MSRB3: variants seen among roughly 807,000 people sequenced by gnomAD.
MSRB3 encodes methionine-R-sulfoxide reductase B3.
MSRB3 carries 13 observed loss-of-function variants against 21.0 expected under a neutral mutation model. The ratio of observed to expected loss-of-function variants is 0.62; its 90% CI spans 0.40 to 0.98. The LOEUF (loss-of-function observed/expected upper bound fraction) is 0.98. Ranked by LOEUF, MSRB3 falls within the 50% of genes least tolerant of loss-of-function variation. MSRB3 has a pLI of 0.00. For synonymous variants in MSRB3, 87 were observed against 88.6 expected (o/e 0.98, Z 0.10); for missense variants, 199 against 230.3 (o/e 0.86, Z 0.88).
intron 5 of MSRB3, among the ~76,000 whole-genome samples, chr12:65,389,874 T>G (rs1879385727): frequency 1.3e-5 from 2 of 152,362 alleles, no homozygotes; most frequent in South Asian, 4.1e-4. Context: ...TAAAGATTTA[T>G]GGTCTTCAAT....
intron 5 of MSRB3, among the ~76,000 whole-genome samples, chr12:65,426,137 C>T (rs1277286884): frequency 6.6e-6 from 1 of 152,162 alleles, no homozygotes; most frequent in African/African-American, 2.4e-5. Flanking sequence ...GTTGGGATTA[C>T]AGGTGTGAGC....
intron 4 of MSRB3, among the ~76,000 whole-genome samples, chr12:65,362,241 A>G (rs1877751800): frequency 6.6e-6 from 1 of 152,182 alleles, no homozygotes; most frequent in African/African-American, 2.4e-5. Flanking sequence ...TAAGTGGCAT[A>G]TCCTTATGTG....
At chr12:65,361,775 G>GT (rs1877721744) in intron 4 of MSRB3, among the ~76,000 whole-genome samples, 1 of 152,046 alleles carries the variant, frequency 6.6e-6, no homozygotes, top group Non-Finnish European at 1.5e-5. Flanking sequence ...ACTATATTTT[G>GT]TTAAACCACA....
At chr12:65,368,510 G>A (rs1878138883) in intron 4 of MSRB3, among the ~76,000 whole-genome samples, 1 of 152,138 alleles carries the variant, frequency 6.6e-6, no homozygotes, top group Admixed American at 6.6e-5. Flanking sequence ...GAAACATAAT[G>A]TTCCCACAAG....
chr12:65,402,225 C>T (rs1880168101), intron 5 of MSRB3, among the ~76,000 whole-genome samples: 1 of 152,186 alleles, frequency 6.6e-6, no homozygotes, highest in African/African-American at 2.4e-5. Context: ...TAGTTCCATT[C>T]TCCCCATCAC....
At chr12:65,318,949 G>A (rs1403931634) in intron 2 of MSRB3, among the ~76,000 whole-genome samples, 2 of 151,998 alleles carry the variant, frequency 1.3e-5, no homozygotes, top group African/African-American at 2.4e-5. Context: ...GGCTTCTATC[G>A]TACAGTCATT....
chr12:65,434,137 C>G (rs1256684694), intron 5 of MSRB3, among the ~76,000 whole-genome samples: 1 of 151,798 alleles, frequency 6.6e-6, no homozygotes, highest in Non-Finnish European at 1.5e-5. Context: ...GAAAATTAGA[C>G]AAGTAGAATC....
chr12:65,360,041 G>T (rs1877610768), intron 4 of MSRB3, among the ~76,000 whole-genome samples: 1 of 151,966 alleles, frequency 6.6e-6, no homozygotes, highest in African/African-American at 2.4e-5. Flanking sequence ...CTTGTAGATG[G>T]TTATCTTCTC....
At chr12:65,316,856 A>G (rs1219839982) in intron 2 of MSRB3, among the ~76,000 whole-genome samples, 3 of 152,176 alleles carry the variant, frequency 2.0e-5, no homozygotes, top group Non-Finnish European at 1.5e-5. Flanking sequence ...GATTCTCGGA[A>G]TAGGATTTCA....
At chr12:65,421,568 G>A (rs886509417) in intron 5 of MSRB3, among the ~76,000 whole-genome samples, 5 of 152,158 alleles carry the variant, frequency 3.3e-5, no homozygotes, top group African/African-American at 7.2e-5. Context: ...TATTGCCTAC[G>A]TTGTCTTGCA....
At chr12:65,373,958 A>G (rs1878460629) in intron 5 of MSRB3, among the ~76,000 whole-genome samples, 1 of 152,210 alleles carries the variant, frequency 6.6e-6, no homozygotes, top group Non-Finnish European at 1.5e-5. Flanking sequence ...GCAGGGAAAA[A>G]TAGAGTGGGG....
intron 5 of MSRB3, among the ~76,000 whole-genome samples, chr12:65,382,888 A>ATATGGAT (rs776088263): frequency 8.1e-4 from 124 of 152,196 alleles, no homozygotes; most frequent in Non-Finnish European, 1.5e-3. Flanking sequence ...ATGTGTGTAT[A>ATATGGAT]TATGGATATA....
chr12:65,303,626 CA>C (rs1371199801), intron 1 of MSRB3, among the ~76,000 whole-genome samples: 1 of 152,120 alleles, frequency 6.6e-6, no homozygotes, highest in African/African-American at 2.4e-5. Context: ...CATAGTCTTT[CA>C]CTCAATAAAT....
intron 1 of MSRB3, among the ~76,000 whole-genome samples, chr12:65,307,465 G>A (rs1256517868): frequency 2.6e-5 from 4 of 151,940 alleles, no homozygotes; most frequent in African/African-American, 4.8e-5. Flanking sequence ...TTTTTGGGGC[G>A]GGAAGCAGGG....
intron 2 of MSRB3, among the ~76,000 whole-genome samples, chr12:65,315,766 A>G (rs1425633076): frequency 6.6e-6 from 1 of 151,346 alleles, no homozygotes; most frequent in Non-Finnish European, 1.5e-5. Context: ...GTTTAAATTT[A>G]TGTATTAACT....
intron 4 of MSRB3, among the ~76,000 whole-genome samples, chr12:65,358,129 T>C (rs1353664191): frequency 6.6e-6 from 1 of 151,910 alleles, no homozygotes; most frequent in Non-Finnish European, 1.5e-5. Flanking sequence ...TTATTTTTCA[T>C]TTTTTAGAGG....
At chr12:65,352,721 C>T (rs201623259) in intron 4 of MSRB3, among the ~76,000 whole-genome samples, 5,768 of 151,196 alleles carry the variant, frequency 0.038, 204 homozygotes, top group South Asian at 0.091. Flanking sequence ...ACAATTGCTT[C>T]AAAGAGAATA....
At chr12:65,453,694 C>T (rs1427702600) in intron 5 of MSRB3, 34 bp from the exon 6 acceptor site, 1 of 1,506,574 alleles carries the variant, frequency 6.6e-7, no homozygotes, top group Non-Finnish European at 9.2e-7. Flanking sequence ...TATCTCTCCT[C>T]TCTGCTTTGA....
At chr12:65,306,707 C>T (rs1477114260) in intron 1 of MSRB3, among the ~76,000 whole-genome samples, 1 of 152,198 alleles carries the variant, frequency 6.6e-6, no homozygotes, top group Non-Finnish European at 1.5e-5. Context: ...CTGGGCAAAA[C>T]TAATTTGCCA....
Sources: allele counts gnomAD v4.1 joint callset (sites outside exome capture counted in the v4.1 genomes callset), GRCh38; gene constraint gnomAD v4.1.1; transcripts MANE v1.5; gene names NCBI Gene and HGNC (gene_info 2026-07-23, HGNC 2026-07-21).